CTNNA3: variants seen among roughly 807,000 people sequenced by gnomAD.
The protein encoded by CTNNA3 is catenin alpha 3, also known as catenin alpha-3.
Under a neutral mutation model 95.7 loss-of-function variants are expected in CTNNA3, and 76 were observed. That is an observed-to-expected ratio of 0.79 (90% CI 0.66 to 0.96). The LOEUF (loss-of-function observed/expected upper bound fraction) is 0.96. Among genes scored for constraint, CTNNA3 ranks in the 40% least tolerant of loss-of-function variants. The pLI, the probability that CTNNA3 is intolerant of heterozygous loss-of-function variation, is 0.00. For missense variants in CTNNA3, 1,191 were observed against 1,089.8 expected, an observed-to-expected ratio of 1.09 and a Z score of -1.31; for synonymous variants, 431 against 374.4, an observed-to-expected ratio of 1.15 and a Z score of -1.74.
intron 6 of CTNNA3, among the ~76,000 whole-genome samples, chr10:67,215,343 T>C (rs1864309788): frequency 6.6e-6 from 1 of 152,174 alleles, no homozygotes; most frequent in Non-Finnish European, 1.5e-5. Context: ...CTACAGTGTT[T>C]GCAGACCTGA....
intron 7 of CTNNA3, among the ~76,000 whole-genome samples, chr10:67,032,340 A>G (rs1487315479): frequency 1.3e-5 from 2 of 152,180 alleles, no homozygotes; most frequent in East Asian, 1.9e-4. Context: ...ATCCTTAGAA[A>G]GAAATCAAGT....
At chr10:66,155,913 A>T (rs898405405) in intron 13 of CTNNA3, among the ~76,000 whole-genome samples, 3 of 151,636 alleles carry the variant, frequency 2.0e-5, no homozygotes, top group African/African-American at 7.3e-5. Flanking sequence ...GAAAGAACTC[A>T]AAAAAAATCA....
In CTNNA3 at chr10:66,845,729, A is replaced by AAAAAC. The variant is rs1297933220; in HGVS notation, c.1048-70206_1048-70205insGTTTT. On this transcript the variant is annotated intron_variant, in intron 7 of 17. Transcript: ENST00000433211. ...AAAAAAAAAAAAAAAAAAAAAAAAA[A>AAAAAC]CTAAAAAGGTGAGATATATATACAT... is the stretch of plus-strand genomic sequence containing the variant. Among the ~76,000 whole-genome samples the AAAAAC allele has an allele frequency of 5.9e-4, 52 of 87,756 alleles. 2 individuals carry two copies. Among genetic ancestry groups the AAAAAC allele is most frequent in the Admixed American group, 1.1e-3 (9 of 7,898 alleles). 57.6% of individuals were successfully genotyped at this position (87,756 alleles called of 152,430 possible).
rs571312885 is a variant in CTNNA3 at position 67,364,966 on chromosome 10, A to T, written c.580-145096T>A. Among the ~76,000 whole-genome samples, 27 of 152,138 alleles carry T rather than the reference A, an allele frequency of 1.8e-4. No homozygotes were observed. The East Asian group carries it at 4.8e-3, about 27-fold the overall frequency. On this transcript the variant is annotated intron_variant, in intron 5 of 17. Transcript: ENST00000433211. ...AGTTGGAGGCATCACACTACCTGAC[A>T]TCAAACTATACTACAAGGCTACAGT... is the stretch of plus-strand genomic sequence containing the variant.
intron 7 of CTNNA3, among the ~76,000 whole-genome samples, chr10:66,993,140 T>C (rs1189968928): frequency 1.3e-5 from 2 of 152,188 alleles, no homozygotes; most frequent in South Asian, 4.1e-4. Flanking sequence ...ACTACCACAG[T>C]GCTAGCTGAC....
Position 66,805,916 on chromosome 10 carries a change from C to A in CTNNA3, c.1048-30392G>T, listed in dbSNP as rs543463855. 3.7e-4 allele frequency among the ~76,000 whole-genome samples: 57 copies of A among 152,134 alleles called. No homozygotes were observed. The Middle Eastern group carries it at 0.01, about 27-fold the overall frequency. On this transcript the variant is annotated intron_variant, in intron 7 of 17. Transcript: ENST00000433211. Reference sequence around the variant, plus strand: ...ATTTATCGATCAAGTTCCTGTGATACAAAATGCCAAGGAAGTTTTTTCAGC... The same window carrying A: ...ATTTATCGATCAAGTTCCTGTGATAAAAAATGCCAAGGAAGTTTTTTCAGC...
intron 5 of CTNNA3, among the ~76,000 whole-genome samples, chr10:67,347,571 T>C (rs1447497558): frequency 6.6e-6 from 1 of 152,200 alleles, no homozygotes; most frequent in Non-Finnish European, 1.5e-5. Context: ...TGTATCCTTG[T>C]AGAATTTGAG....
At chr10:66,883,869 G>A (rs1844936255) in intron 7 of CTNNA3, among the ~76,000 whole-genome samples, 2 of 152,124 alleles carry the variant, frequency 1.3e-5, no homozygotes, top group Admixed American at 1.3e-4. Flanking sequence ...TGGTGTCTTA[G>A]TTCATTATGT....
At chr10:66,148,948 A>T (rs1296119710) in intron 13 of CTNNA3, among the ~76,000 whole-genome samples, 2 of 151,608 alleles carry the variant, frequency 1.3e-5, no homozygotes, top group African/African-American at 2.4e-5. Flanking sequence ...ATATACATTA[A>T]TTTTGACCTT....
chr10:66,908,417 C>A (rs1402332197), intron 7 of CTNNA3, among the ~76,000 whole-genome samples: 1 of 152,154 alleles, frequency 6.6e-6, no homozygotes, highest in Non-Finnish European at 1.5e-5. Context: ...AGGATCTCAT[C>A]AAAGCTGTCA....
chr10:67,246,456 T>C (rs1865912653), intron 5 of CTNNA3, among the ~76,000 whole-genome samples: 1 of 152,202 alleles, frequency 6.6e-6, no homozygotes, highest in African/African-American at 2.4e-5. Flanking sequence ...TTGCCTCTAA[T>C]GCAGAAATAA....
At chr10:67,755,554 C>T (rs1841428243) in intron 1 of CTNNA3, among the ~76,000 whole-genome samples, 1 of 152,008 alleles carries the variant, frequency 6.6e-6, no homozygotes, top group Non-Finnish European at 1.5e-5. Context: ...GTAATCCCAG[C>T]ACTTTGGGAG....
intron 9 of CTNNA3, among the ~76,000 whole-genome samples, chr10:66,760,228 C>T (rs948243482): frequency 2.6e-5 from 4 of 152,144 alleles, no homozygotes; most frequent in African/African-American, 9.7e-5. Context: ...AGTCCCTTTC[C>T]TGGTGAGAAG....
At position 67,357,305 on chromosome 10, in the gene CTNNA3, C is replaced by A. The variant is rs538422512; in HGVS notation, c.580-137435G>T. The stretch of plus-strand genomic sequence containing the variant: ...ACATCAAACATGATGTTATATCTCC[C>A]AGAAGATAAAATATATCTGGAAAAC... On this transcript the variant is annotated intron_variant, in intron 5 of 17. Coordinates refer to ENST00000433211, the MANE Select transcript of CTNNA3 (RefSeq NM_013266.4). Among the ~76,000 whole-genome samples, 10 of 151,938 alleles carry A rather than the reference C, an allele frequency of 6.6e-5. No homozygotes were observed. The South Asian group carries it at 8.3e-4, about 13-fold the overall frequency.
chr10:67,736,100 A>G (rs1300147639), intron 1 of CTNNA3, among the ~76,000 whole-genome samples: 1 of 152,148 alleles, frequency 6.6e-6, no homozygotes, highest in Non-Finnish European at 1.5e-5. Context: ...ACAATGAAAT[A>G]TTATTTAGCC....
chr10:66,413,394 T>C (rs570139451), intron 11 of CTNNA3, among the ~76,000 whole-genome samples: 64 of 152,272 alleles, frequency 4.2e-4, no homozygotes, highest in African/African-American at 1.5e-3. Flanking sequence ...CATAGTTAAT[T>C]TTCACACTCA....
At chr10:67,323,699 C>A (rs1006169218) in intron 5 of CTNNA3, among the ~76,000 whole-genome samples, 2 of 152,080 alleles carry the variant, frequency 1.3e-5, no homozygotes, top group Non-Finnish European at 2.9e-5. Flanking sequence ...GCTATCTAGG[C>A]TCTTTTTTGG....
intron 17 of CTNNA3, among the ~76,000 whole-genome samples, chr10:65,966,005 T>C (rs1393921376): frequency 3.9e-5 from 6 of 152,190 alleles, no homozygotes; most frequent in Non-Finnish European, 8.8e-5. Context: ...AGAAATGATC[T>C]ACTGCTATTA....
intron 5 of CTNNA3, among the ~76,000 whole-genome samples, chr10:67,243,518 C>T (rs942925307): frequency 6.6e-6 from 1 of 152,142 alleles, no homozygotes; most frequent in African/African-American, 2.4e-5. Context: ...TAAATCTGGT[C>T]ATCACTCCTC....
Sources: gnomAD v4.1 joint callset for allele counts (sites outside exome capture counted in the v4.1 genomes callset) on GRCh38, gnomAD v4.1.1 for gene constraint, MANE v1.5 for transcripts, NCBI Gene and HGNC (gene_info 2026-07-23, HGNC 2026-07-21) for gene names.